The following STK32B variants were observed in gnomAD, a reference collection of about 807,000 sequenced individuals.
STK32B encodes serine/threonine-protein kinase 32B.
STK32B carries 43 observed loss-of-function variants against 52.6 expected under a neutral mutation model. The ratio of observed to expected loss-of-function variants is 0.82; its 90% CI spans 0.64 to 1.05. The LOEUF (loss-of-function observed/expected upper bound fraction) is 1.05, where lower values mean the gene tolerates loss of function less well. STK32B is among the 50% of genes least tolerant of loss of function. The pLI, the probability that STK32B is intolerant of heterozygous loss-of-function variation, is 0.00. For synonymous variants in STK32B, 238 were observed against 204.3 expected (o/e 1.17, Z -1.41); for missense variants, 621 against 534.6 (o/e 1.16, Z -1.59).
At chr4:5,178,400 A>G (rs904138518) in intron 3 of STK32B, among the ~76,000 whole-genome samples, 1 of 152,096 alleles carries the variant, frequency 6.6e-6, no homozygotes, top group Non-Finnish European at 1.5e-5. Flanking sequence ...TTTTTCCCCC[A>G]TAGGCCTCTG....
intron 3 of STK32B, among the ~76,000 whole-genome samples, chr4:5,237,104 G>A (rs1560247533): frequency 2.0e-5 from 3 of 152,186 alleles, no homozygotes; most frequent in Admixed American, 6.5e-5. Flanking sequence ...GCCTCAAGGA[G>A]TTTGCCAGGT....
At chr4:5,342,985 A>G (rs1446573146) in intron 4 of STK32B, among the ~76,000 whole-genome samples, 1 of 152,156 alleles carries the variant, frequency 6.6e-6, no homozygotes, top group Non-Finnish European at 1.5e-5. Context: ...GTTTTAGGGT[A>G]CATGTGCACA....
At chr4:5,131,579 A>G (rs1316435326) in intron 1 of STK32B, among the ~76,000 whole-genome samples, 12 of 151,818 alleles carry the variant, frequency 7.9e-5, no homozygotes, top group Non-Finnish European at 1.2e-4. Context: ...TGGCTTTCCC[A>G]CTTTCTCTCC....
At chr4:5,436,836 CTAA>C (rs1435719101) in intron 6 of STK32B, among the ~76,000 whole-genome samples, 1 of 148,442 alleles carries the variant, frequency 6.7e-6, no homozygotes, top group East Asian at 2.4e-4. Flanking sequence ...GTGTCCAATT[CTAA>C]TAAGGAGGTG....
chr4:5,280,363 A>G (rs1033508845), intron 3 of STK32B, among the ~76,000 whole-genome samples: 2 of 152,086 alleles, frequency 1.3e-5, no homozygotes, highest in Non-Finnish European at 2.9e-5. Flanking sequence ...TTCACTGTCC[A>G]TGTCACTATC....
intron 3 of STK32B, among the ~76,000 whole-genome samples, chr4:5,174,247 CTT>C (rs200279261): frequency 0.031 from 4,672 of 152,238 alleles, 100 homozygotes; most frequent in Non-Finnish European, 0.046. Flanking sequence ...GGTCTTGACT[CTT>C]TATCCAGTTT....
Position 5,360,755 on chromosome 4 carries a change from G to C in STK32B, c.434+29362G>C, listed in dbSNP as rs187842467. Among the ~76,000 whole-genome samples, 5 of 152,154 alleles carry C rather than the reference G, an allele frequency of 3.3e-5. No individual in the cohort carries two copies. In the East Asian group the frequency reaches 9.6e-4, roughly 29 times the overall value. ...AGGGAGGTGGAGGACGCAGTGAACCGAGATTGTGCCATTGCACTCCAGCCT... is the reference window on the plus strand; with the variant it reads ...AGGGAGGTGGAGGACGCAGTGAACCCAGATTGTGCCATTGCACTCCAGCCT... On this transcript the variant is annotated intron_variant, in intron 4 of 11. Transcript: ENST00000282908.
chr4:5,046,251 A>T, the STK32B span, among the ~76,000 whole-genome samples: 1 of 152,202 alleles, frequency 6.6e-6, no homozygotes, highest in Admixed American at 6.5e-5. Context: ...ACGTGACAAA[A>T]ACAAGCAGTG....
intron 1 of STK32B, among the ~76,000 whole-genome samples, chr4:5,117,439 T>C (rs1371357652): frequency 6.6e-6 from 1 of 152,220 alleles, no homozygotes; most frequent in East Asian, 1.9e-4. Flanking sequence ...TATTTAAATT[T>C]TTGTCAACTC....
At chr4:5,494,177 G>T (rs1371611950) in intron 11 of STK32B, among the ~76,000 whole-genome samples, 1 of 152,052 alleles carries the variant, frequency 6.6e-6, no homozygotes, top group African/African-American at 2.4e-5. Context: ...TTGACAGTGG[G>T]GTGTTAAAGT....
the STK32B span, among the ~76,000 whole-genome samples, chr4:5,040,797 TCAC>T: frequency 6.6e-6 from 1 of 152,182 alleles, no homozygotes; most frequent in African/African-American, 2.4e-5. Context: ...ATATGCGTTG[TCAC>T]CACATGCCAA....
At chr4:5,475,286 G>A (rs1424106525) in intron 11 of STK32B, among the ~76,000 whole-genome samples, 3 of 151,780 alleles carry the variant, frequency 2.0e-5, no homozygotes, top group African/African-American at 7.3e-5. Context: ...TTAGCTGGGT[G>A]TGGTGGCAGG....
chr4:5,059,051 G>A (rs2121626), intron 1 of STK32B, among the ~76,000 whole-genome samples: 45,738 of 123,036 alleles, frequency 0.37, 9,156 homozygotes, highest in East Asian at 0.52. Context: ...ACGCCCAGCT[G>A]CTTTTTTTTT....
At chr4:5,072,997 A>T (rs1003590387) in intron 1 of STK32B, among the ~76,000 whole-genome samples, 1 of 152,082 alleles carries the variant, frequency 6.6e-6, no homozygotes, top group African/African-American at 2.4e-5. Context: ...TTTGAATTCG[A>T]CATGGCTGCT....
At chr4:5,075,195 A>G (rs918872707) in intron 1 of STK32B, among the ~76,000 whole-genome samples, 1 of 152,218 alleles carries the variant, frequency 6.6e-6, no homozygotes, top group Non-Finnish European at 1.5e-5. Context: ...AAATGTATTT[A>G]TAATTTATAA....
chr4:5,060,975 G>C (rs1484145033), intron 1 of STK32B, among the ~76,000 whole-genome samples: 1 of 152,132 alleles, frequency 6.6e-6, no homozygotes, highest in Non-Finnish European at 1.5e-5. Flanking sequence ...ATGTGCATAG[G>C]TATGATGATC....
chr4:5,130,088 C>G (rs981935067), intron 1 of STK32B, among the ~76,000 whole-genome samples: 28 of 151,176 alleles, frequency 1.9e-4, no homozygotes, highest in African/African-American at 6.8e-4. Flanking sequence ...ATAAAAAATA[C>G]AAAAGAAACG....
chr4:5,276,278 G>T (rs1194208088), intron 3 of STK32B, among the ~76,000 whole-genome samples: 2 of 151,912 alleles, frequency 1.3e-5, no homozygotes, highest in Non-Finnish European at 2.9e-5. Flanking sequence ...AACAGAGTGA[G>T]ACTCCATCTC....
At chr4:5,095,130 G>A (rs560601611) in intron 1 of STK32B, among the ~76,000 whole-genome samples, 6 of 152,170 alleles carry the variant, frequency 3.9e-5, no homozygotes, top group Non-Finnish European at 7.4e-5. Flanking sequence ...GGAGAGGGCT[G>A]TAGGAATGAG....
Sources: allele counts gnomAD v4.1 joint callset (sites outside exome capture counted in the v4.1 genomes callset), GRCh38; gene constraint gnomAD v4.1.1; transcripts MANE v1.5; gene names NCBI Gene and HGNC (gene_info 2026-07-23, HGNC 2026-07-21).